The following ARMC8 variants were observed in gnomAD, a reference collection of about 807,000 sequenced individuals.
ARMC8 encodes the protein armadillo repeat containing 8.
A neutral mutation model predicts 99.3 loss-of-function variants in ARMC8; 20 were observed. That is an observed-to-expected ratio of 0.20 (90% CI 0.14 to 0.29). The LOEUF (loss-of-function observed/expected upper bound fraction) is 0.29. ARMC8 is among the 10% of genes least tolerant of loss of function. The pLI is 1.00. For missense variants in ARMC8, 569 were observed against 809.5 expected (o/e 0.70, Z 3.60); for synonymous variants, 263 against 278.3 (o/e 0.95, Z 0.55).
intron 1 of ARMC8, among the ~76,000 whole-genome samples, chr3:138,194,501 CT>C (rs2043593898): frequency 6.6e-6 from 1 of 150,672 alleles, no homozygotes; most frequent in African/African-American, 2.4e-5. Flanking sequence ...CCACACCCAG[CT>C]AATTTTTTTG....
chr3:138,262,435 C>T, intron 12 of ARMC8: 1 of 1,284,442 alleles, frequency 7.8e-7, no homozygotes, highest in Non-Finnish European at 1.1e-6. Context: ...TTTCCCTGAT[C>T]ATTGTTAATT....
chr3:138,236,174 A>G (rs1388209472), intron 7 of ARMC8, among the ~76,000 whole-genome samples: 1 of 152,046 alleles, frequency 6.6e-6, no homozygotes, highest in Non-Finnish European at 1.5e-5. Flanking sequence ...TACCTCAGCT[A>G]TCTAGTTTAG....
At chr3:138,256,384 T>C (rs899873052) in intron 12 of ARMC8, among the ~76,000 whole-genome samples, 1 of 151,566 alleles carries the variant, frequency 6.6e-6, no homozygotes, top group African/African-American at 2.4e-5. Context: ...CTGTAAAGTA[T>C]ATCTTTTTTT....
chr3:138,199,020 A>G (rs2043902280), intron 1 of ARMC8, among the ~76,000 whole-genome samples: 1 of 152,172 alleles, frequency 6.6e-6, no homozygotes, highest in South Asian at 2.1e-4. Flanking sequence ...ATTCCATGCT[A>G]GGAATCTCAG....
intron 18 of ARMC8, among the ~76,000 whole-genome samples, chr3:138,278,483 G>T (rs1336314956): frequency 6.6e-6 from 1 of 151,538 alleles, no homozygotes; most frequent in African/African-American, 2.4e-5. Context: ...CAGCCTGGGT[G>T]ACACAGCAAG....
At chr3:138,187,708 C>G in intron 1 of ARMC8, 109 bp downstream of exon 1, 7 of 1,221,988 alleles carry the variant, frequency 5.7e-6, no homozygotes, top group Non-Finnish European at 8.1e-6. Context: ...CTGGGGTGGA[C>G]CCCGGCTCAG....
chr3:138,242,471 A>G (rs750588853), intron 11 of ARMC8, among the ~76,000 whole-genome samples: 3 of 152,212 alleles, frequency 2.0e-5, no homozygotes, highest in Non-Finnish European at 4.4e-5. Flanking sequence ...CAGCTAAAGC[A>G]TCATTTAATC....
At chr3:138,220,359 A>C (rs986766857) in intron 2 of ARMC8, among the ~76,000 whole-genome samples, 2 of 152,196 alleles carry the variant, frequency 1.3e-5, no homozygotes, top group Non-Finnish European at 2.9e-5. Flanking sequence ...AAAAATTGCT[A>C]CTTATTTCTT....
intron 21 of ARMC8, among the ~76,000 whole-genome samples, chr3:138,294,021 C>A (rs2051237107): frequency 6.6e-6 from 1 of 152,128 alleles, no homozygotes; most frequent in African/African-American, 2.4e-5. Flanking sequence ...TCTAAAAAGA[C>A]TCCTTAGATA....
At chr3:138,274,426 A>G (rs2049082285) in intron 17 of ARMC8, 23 bp from the exon 18 acceptor site, 1 of 1,470,500 alleles carries the variant, frequency 6.8e-7, no homozygotes, top group South Asian at 1.2e-5. Flanking sequence ...TTTGATAATT[A>G]TGGATTTCCC....
chr3:138,200,778 A>G (rs546466307), intron 1 of ARMC8, among the ~76,000 whole-genome samples: 1 of 152,286 alleles, frequency 6.6e-6, no homozygotes, highest in East Asian at 1.9e-4. Context: ...ACTTGGAAAC[A>G]AAATATGCTA....
intron 14 of ARMC8, among the ~76,000 whole-genome samples, chr3:138,265,324 CTAA>C (rs1377188751): frequency 6.6e-6 from 1 of 152,174 alleles, no homozygotes; most frequent in Non-Finnish European, 1.5e-5. Flanking sequence ...CAAGTGGCTG[CTAA>C]TAATGTTATC....
Position 138,288,540 on chromosome 3 carries a change from C to T in ARMC8, c.1822-508C>T, listed in dbSNP as rs1020061957. Among the ~76,000 whole-genome samples, 38 of 152,234 alleles carry T rather than the reference C, an allele frequency of 2.5e-4. 1 individual carries two copies. Among genetic ancestry groups the T allele is most frequent in the Admixed American group, 1.8e-3 (27 of 15,292 alleles). ...GTACTCCTCAATTTGCCAGATTCTC[C>T]ACTGTCCCTTGTTATCTTTAGCCCA... On this transcript the variant is annotated intron_variant, in intron 19 of 21. Transcript: ENST00000469044.
chr3:138,263,394 C>A, intron 12 of ARMC8: 1 of 236,422 alleles, frequency 4.2e-6, no homozygotes, highest in Non-Finnish European at 8.4e-6. Flanking sequence ...CTGGAAGGAA[C>A]CTGCCCAATG....
chr3:138,280,588 G>A (rs1465813091), intron 18 of ARMC8, among the ~76,000 whole-genome samples: 2 of 151,716 alleles, frequency 1.3e-5, no homozygotes, highest in Non-Finnish European at 2.9e-5. Context: ...CCGTCTTCCG[G>A]GTTCACGCCA....
intron 18 of ARMC8, among the ~76,000 whole-genome samples, chr3:138,281,058 C>T (rs2049859086): frequency 6.6e-6 from 1 of 152,182 alleles, no homozygotes; most frequent in African/African-American, 2.4e-5. Context: ...ATAGACAATA[C>T]ATAAGCAAGT....
At position 138,298,222 on chromosome 3, in the gene ARMC8, T is replaced by C. The variant is rs2051654881; in HGVS notation, c.*2330T>C. ...TGTTTCTCCTTTTGTGCCCTGATTG[T>C]AATCCAAAATTTATGAACTAGAAAA... is the stretch of plus-strand genomic sequence containing the variant. On this transcript the variant is annotated 3_prime_UTR_variant, in exon 22 of 22. Coordinates refer to ENST00000469044, the MANE Select transcript of ARMC8 (RefSeq NM_001363941.2). The C allele has an allele frequency of 6.6e-6, 1 of 152,224 alleles. No homozygotes were observed. The highest frequency in any genetic ancestry group is 1.5e-5 in the Non-Finnish European group (1 of 68,036). The allele number at this position is 152,224 out of a possible 1,614,324, so 9.4% of individuals were successfully genotyped here.
chr3:138,257,931 T>C (rs1452621586), intron 12 of ARMC8, among the ~76,000 whole-genome samples: 2 of 152,174 alleles, frequency 1.3e-5, no homozygotes, highest in African/African-American at 4.8e-5. Flanking sequence ...TGATACCTTA[T>C]CCACTTAGAT....
intron 18 of ARMC8, among the ~76,000 whole-genome samples, chr3:138,283,931 G>T (rs2050164912): frequency 6.6e-6 from 1 of 152,094 alleles, no homozygotes; most frequent in African/African-American, 2.4e-5. Context: ...TGGTGGACAG[G>T]GTCTAGGCCT....
Sources: gnomAD v4.1 joint callset for allele counts (sites outside exome capture counted in the v4.1 genomes callset) on GRCh38, gnomAD v4.1.1 for gene constraint, MANE v1.5 for transcripts, NCBI Gene and HGNC (gene_info 2026-07-23, HGNC 2026-07-21) for gene names.